The following SEC11A variants were observed in gnomAD, a reference collection of about 807,000 sequenced individuals.
SEC11A encodes SEC11 homolog A, signal peptidase complex subunit.
In SEC11A, 14 loss-of-function variants were observed where a neutral mutation model predicts 25.6. That is an observed-to-expected ratio of 0.55 (90% CI 0.36 to 0.85). The LOEUF (loss-of-function observed/expected upper bound fraction) is 0.85. Ranked by LOEUF, SEC11A falls within the 40% of genes least tolerant of loss-of-function variation. The probability of loss-of-function intolerance (pLI) is 0.01; values close to 1 mark genes in which losing one functional copy is unlikely to be tolerated. For synonymous variants in SEC11A, 83 were observed against 76.4 expected, an observed-to-expected ratio of 1.09 and a Z score of -0.45; for missense variants, 153 against 222.9, an observed-to-expected ratio of 0.69 and a Z score of 2.00.
intron 1 of SEC11A, among the ~76,000 whole-genome samples, chr15:84,698,748 C>T (rs1011713495): frequency 1.3e-5 from 2 of 152,012 alleles, no homozygotes; most frequent in African/African-American, 2.4e-5. Context: ...AGCCTCAAAC[C>T]GGAAATAACT....
chr15:84,683,297 T>TA lies in SEC11A; in HGVS notation c.312-2466dup, dbSNP rs1346880327. Among the ~76,000 whole-genome samples the TA allele has an allele frequency of 1.1e-4, 16 of 152,028 alleles. No homozygotes were observed. In the South Asian group the frequency reaches 2.1e-3, roughly 20 times the overall value. On this transcript the variant is annotated intron_variant, in intron 3 of 5. Coordinates refer to ENST00000268220, the MANE Select transcript of SEC11A (RefSeq NM_014300.4). ...AAAAGGCAAATCAGATATGAGGAGA[T>TA]AAAAATCCAGGAAAAGGGGAACTCC...
intron 1 of SEC11A, among the ~76,000 whole-genome samples, chr15:84,699,924 G>C (rs765766090): frequency 6.6e-6 from 1 of 151,946 alleles, no homozygotes; most frequent in African/African-American, 2.4e-5. Flanking sequence ...CTCTTATGGC[G>C]TAAGAATAGT....
chr15:84,677,647 G>T (rs1289708850), intron 4 of SEC11A, among the ~76,000 whole-genome samples: 1 of 151,692 alleles, frequency 6.6e-6, no homozygotes, highest in African/African-American at 2.4e-5. Flanking sequence ...TAATTTTTTT[G>T]TATTTTTAGT....
intron 3 of SEC11A, among the ~76,000 whole-genome samples, chr15:84,685,389 C>T (rs561142151): frequency 6.6e-6 from 1 of 151,510 alleles, no homozygotes; most frequent in Non-Finnish European, 1.5e-5. Context: ...TCTTGAGCAG[C>T]TGGGACTACA....
intron 1 of SEC11A, 140 bp from the exon 2 acceptor site, chr15:84,691,784 T>C: frequency 1.9e-6 from 1 of 522,224 alleles, no homozygotes; most frequent in Non-Finnish European, 3.4e-6. Flanking sequence ...TACATTATAA[T>C]AATTATGCCA....
chr15:84,693,820 C>T (rs1423749822), intron 1 of SEC11A, among the ~76,000 whole-genome samples: 1 of 152,052 alleles, frequency 6.6e-6, no homozygotes, highest in Admixed American at 6.6e-5. Context: ...CTATCCTTAT[C>T]ACAGGAGATG....
chr15:84,699,364 G>C (rs924700132), intron 1 of SEC11A, among the ~76,000 whole-genome samples: 1 of 149,924 alleles, frequency 6.7e-6, no homozygotes, highest in Admixed American at 6.7e-5. Context: ...AAAATATGCT[G>C]TTCTAGCCAA....
intron 1 of SEC11A, among the ~76,000 whole-genome samples, chr15:84,698,116 A>G (rs1897820800): frequency 6.6e-6 from 1 of 152,204 alleles, no homozygotes; most frequent in East Asian, 1.9e-4. Context: ...ATAAGAAATT[A>G]AGAAAAACCT....
In SEC11A at chr15:84,670,200, T is replaced by C. The variant is rs1896945960; in HGVS notation, c.490-131A>G. The C allele has an allele frequency of 1.0e-5, 8 of 769,514 alleles. No individual in the cohort carries two copies. The South Asian group carries it at 1.5e-4, about 15-fold the overall frequency. 47.7% of individuals were successfully genotyped at this position (769,514 alleles called of 1,614,324 possible). On this transcript the variant is annotated intron_variant, in intron 5 of 5. Transcript: ENST00000268220. ...CAATTATTCTTTCATCTTTTAACTA[T>C]AATCCATTTAAAAGTTTCCAATACT...
intron 3 of SEC11A, 140 bp downstream of exon 3, chr15:84,687,485 T>C (rs1897462321): frequency 1.7e-6 from 1 of 571,806 alleles, no homozygotes; most frequent in African/African-American, 1.9e-5. Context: ...TTCACTAAAC[T>C]TTCCAGCATT....
At chr15:84,700,109 T>C (rs960237756) in intron 1 of SEC11A, among the ~76,000 whole-genome samples, 1 of 151,990 alleles carries the variant, frequency 6.6e-6, no homozygotes, top group Non-Finnish European at 1.5e-5. Flanking sequence ...AACTTGCCTG[T>C]AACCCAGAAT....
chr15:84,700,540 G>C (rs1897898850), intron 1 of SEC11A, among the ~76,000 whole-genome samples: 1 of 123,798 alleles, frequency 8.1e-6, no homozygotes, highest in Non-Finnish European at 1.6e-5. Context: ...GTTGCAGTGA[G>C]CCGAGATCAC....
At chr15:84,690,106 G>A (rs1596075380) in intron 2 of SEC11A, among the ~76,000 whole-genome samples, 1 of 152,088 alleles carries the variant, frequency 6.6e-6, no homozygotes, top group South Asian at 2.1e-4. Flanking sequence ...TATCTGCTAC[G>A]GTTTGGCTGT....
At chr15:84,683,755 C>T (rs1408083661) in intron 3 of SEC11A, among the ~76,000 whole-genome samples, 1 of 152,108 alleles carries the variant, frequency 6.6e-6, no homozygotes, top group Non-Finnish European at 1.5e-5. Flanking sequence ...GAACTCCTGA[C>T]CTCAGGTGAT....
chr15:84,708,275 AC>A, intron 1 of SEC11A, among the ~76,000 whole-genome samples: 1 of 150,332 alleles, frequency 6.7e-6, no homozygotes, highest in Non-Finnish European at 1.5e-5. Context: ...ATAAAATTTT[AC>A]TTGTGATGTT....
intron 3 of SEC11A, among the ~76,000 whole-genome samples, chr15:84,682,563 C>T (rs1011623482): frequency 6.6e-6 from 1 of 152,108 alleles, no homozygotes; most frequent in Non-Finnish European, 1.5e-5. Context: ...ATTCTCCTGC[C>T]TCAGCCTCCC....
chr15:84,712,738 G>T (rs931258849), intron 1 of SEC11A, among the ~76,000 whole-genome samples: 2 of 151,854 alleles, frequency 1.3e-5, no homozygotes, highest in Non-Finnish European at 2.9e-5. Context: ...GAGCCACTGC[G>T]TCCAGCCTAA....
chr15:84,687,787 G>C lies in SEC11A; in HGVS notation c.162-13C>G. 1 of 1,582,262 alleles carries C rather than the reference G, an allele frequency of 6.3e-7. No homozygotes were observed. The highest frequency in any genetic ancestry group is 1.4e-5 in the African/African-American group (1 of 72,908). Reference sequence around the variant, plus strand: ...TTCCATGCTGCCACTGGAAGGGAAAGAAGAATATAACAGCAAAAAGAAAGT... The same window carrying C: ...TTCCATGCTGCCACTGGAAGGGAAACAAGAATATAACAGCAAAAAGAAAGT... On this transcript the variant is annotated splice_polypyrimidine_tract_variant and intron_variant, in intron 2 of 5. Transcript: ENST00000268220.
chr15:84,707,181 C>CT (rs35694643), intron 1 of SEC11A, among the ~76,000 whole-genome samples: 5,921 of 91,610 alleles, frequency 0.065, 450 homozygotes, highest in African/African-American at 0.093. Flanking sequence ...TTGTGTGAGA[C>CT]TTTTTTTTTT....
Sources: allele counts gnomAD v4.1 joint callset (sites outside exome capture counted in the v4.1 genomes callset), GRCh38; gene constraint gnomAD v4.1.1; transcripts MANE v1.5; gene names NCBI Gene and HGNC (gene_info 2026-07-23, HGNC 2026-07-21).